Variants in ZNF804A observed in about 807,000 individuals in gnomAD.
ZNF804A encodes the protein zinc finger protein 804A.
Under a neutral mutation model 16.5 loss-of-function variants are expected in ZNF804A, and 2 were observed. The observed-to-expected ratio is 0.12, with a 90% CI of 0.05 to 0.38. The LOEUF is 0.38. Ranked by LOEUF, ZNF804A falls within the 10% of genes least tolerant of loss-of-function variation. ZNF804A has a pLI of 0.99. For missense variants in ZNF804A, 1,473 were observed against 1,390.7 expected (o/e 1.06, Z -0.94); for synonymous variants, 534 against 489.6 (o/e 1.09, Z -1.20).
chr2:184,803,039 T>C (rs1574219843), intron 1 of ZNF804A, among the ~76,000 whole-genome samples: 2 of 152,208 alleles, frequency 1.3e-5, no homozygotes, highest in African/African-American at 4.8e-5. Flanking sequence ...GTAAACCATA[T>C]GAGTTATCTG....
intron 2 of ZNF804A, among the ~76,000 whole-genome samples, chr2:184,869,558 A>G (rs186418495): frequency 1.3e-5 from 2 of 152,162 alleles, no homozygotes; most frequent in Admixed American, 1.3e-4. Context: ...ATTAATATGC[A>G]TTGCAGAGTA....
At chr2:184,830,859 A>G (rs1211955018) in intron 1 of ZNF804A, among the ~76,000 whole-genome samples, 1 of 152,140 alleles carries the variant, frequency 6.6e-6, no homozygotes, top group Non-Finnish European at 1.5e-5. Flanking sequence ...TTGGGTACAC[A>G]AATGGCTATA....
intron 1 of ZNF804A, among the ~76,000 whole-genome samples, chr2:184,805,643 AAGAG>A (rs1268124405): frequency 6.6e-6 from 1 of 152,100 alleles, no homozygotes; most frequent in African/African-American, 2.4e-5. Flanking sequence ...GAAATTTAAA[AAGAG>A]AGAGACTTTC....
chr2:184,692,489 A>T (rs1198943561), intron 1 of ZNF804A, among the ~76,000 whole-genome samples: 3 of 152,200 alleles, frequency 2.0e-5, no homozygotes, highest in African/African-American at 7.2e-5. Flanking sequence ...AAAAATAATA[A>T]GCATTACTCC....
At chr2:184,723,236 G>A (rs943296828) in intron 1 of ZNF804A, among the ~76,000 whole-genome samples, 3 of 151,608 alleles carry the variant, frequency 2.0e-5, no homozygotes, top group African/African-American at 7.3e-5. Context: ...AGTAGAGAAA[G>A]GTTTATATGA....
chr2:184,829,906 AAAAAAAAAAAAAAAAACAAAAAC>A (rs1443278026), intron 1 of ZNF804A, among the ~76,000 whole-genome samples: 31 of 106,922 alleles, frequency 2.9e-4, no homozygotes, highest in Non-Finnish European at 4.2e-4. Flanking sequence ...TACCAAAAAA[AAAAAAAAAAAAAAAAACAAAAAC>A]AAAAAAAAAA....
At chr2:184,674,409 A>C (rs1325546042) in intron 1 of ZNF804A, among the ~76,000 whole-genome samples, 1 of 152,002 alleles carries the variant, frequency 6.6e-6, no homozygotes, top group Non-Finnish European at 1.5e-5. Context: ...TTGTAAATGA[A>C]GAAACACAAG....
At chr2:184,886,932 AACATC>A (rs1684900744) in intron 2 of ZNF804A, among the ~76,000 whole-genome samples, 1 of 152,356 alleles carries the variant, frequency 6.6e-6, no homozygotes, top group East Asian at 1.9e-4. Context: ...TTTTGGGATT[AACATC>A]AGGTTCTTTG....
intron 1 of ZNF804A, among the ~76,000 whole-genome samples, chr2:184,811,907 T>G (rs1207373178): frequency 6.6e-6 from 1 of 152,178 alleles, no homozygotes. Context: ...AAACTAGCAT[T>G]ACAAAAAAGT....
At chr2:184,881,658 C>G (rs1413430625) in intron 2 of ZNF804A, among the ~76,000 whole-genome samples, 1 of 151,070 alleles carries the variant, frequency 6.6e-6, no homozygotes, top group Non-Finnish European at 1.5e-5. Flanking sequence ...GTTTTTTTTT[C>G]TTTATTAGTC....
At chr2:184,666,124 T>G (rs2105709382) in intron 1 of ZNF804A, among the ~76,000 whole-genome samples, 1 of 152,328 alleles carries the variant, frequency 6.6e-6, no homozygotes, top group African/African-American at 2.4e-5. Flanking sequence ...CAAAGGATAT[T>G]TGTACATTTG....
chr2:184,785,336 A>T (rs2105775911), intron 1 of ZNF804A, among the ~76,000 whole-genome samples: 1 of 152,208 alleles, frequency 6.6e-6, no homozygotes, highest in African/African-American at 2.4e-5. Flanking sequence ...CTCTGTGATT[A>T]AGTGTGCTTA....
intron 1 of ZNF804A, among the ~76,000 whole-genome samples, chr2:184,739,982 A>T (rs921137188): frequency 6.6e-6 from 1 of 152,226 alleles, no homozygotes; most frequent in Non-Finnish European, 1.5e-5. Flanking sequence ...TTGAAATAGA[A>T]TGAAATACAA....
chr2:184,864,755 T>C (rs1325584268), intron 1 of ZNF804A, among the ~76,000 whole-genome samples: 17 of 152,100 alleles, frequency 1.1e-4, no homozygotes, highest in Admixed American at 1.1e-3. Flanking sequence ...TCCTTTCTAG[T>C]TTGTGTATTT....
intron 1 of ZNF804A, among the ~76,000 whole-genome samples, chr2:184,796,795 G>A (rs560760481): frequency 6.6e-6 from 1 of 152,152 alleles, no homozygotes; most frequent in East Asian, 1.9e-4. Flanking sequence ...CATCGACTTT[G>A]CTGTATCCCA....
intron 1 of ZNF804A, among the ~76,000 whole-genome samples, chr2:184,747,258 G>A (rs1328274871): frequency 1.4e-5 from 2 of 141,786 alleles, no homozygotes; most frequent in African/African-American, 2.6e-5. Context: ...AGGGCAACCC[G>A]CTCGGGTCCC....
chr2:184,791,121 T>A lies in ZNF804A; in HGVS notation c.112-75248T>A, dbSNP rs79562683. Among the ~76,000 whole-genome samples the A allele has an allele frequency of 7.9e-3, 1,200 of 152,326 alleles. 39 individuals carry two copies. In the East Asian group the frequency reaches 0.079, roughly 10 times the overall value. The stretch of plus-strand genomic sequence containing the variant: ...GCAGATGGTTGTCTTTTATTTTTTT[T>A]ATCCAGTTTTCCACTCTGTATCTTT... On this transcript the variant is annotated intron_variant, in intron 1 of 3. Coordinates refer to ENST00000302277, the MANE Select transcript of ZNF804A (RefSeq NM_194250.2).
chr2:184,862,496 A>G (rs1695815692), intron 1 of ZNF804A, among the ~76,000 whole-genome samples: 1 of 152,192 alleles, frequency 6.6e-6, no homozygotes, highest in South Asian at 2.1e-4. Context: ...TATCATTTGC[A>G]AACTTAACTT....
intron 1 of ZNF804A, among the ~76,000 whole-genome samples, chr2:184,788,814 G>A (rs1694488686): frequency 1.3e-5 from 2 of 151,900 alleles, no homozygotes; most frequent in Admixed American, 1.3e-4. Context: ...CAATTTGGAT[G>A]CATTTAATGT....
Sources: allele counts gnomAD v4.1 joint callset (sites outside exome capture counted in the v4.1 genomes callset), GRCh38; gene constraint gnomAD v4.1.1; transcripts MANE v1.5; gene names NCBI Gene and HGNC (gene_info 2026-07-23, HGNC 2026-07-21).